TBC1D22A: variants seen among roughly 807,000 people sequenced by gnomAD.
The protein encoded by TBC1D22A is putative GTPase activator.
In TBC1D22A, 38 loss-of-function variants were observed where a neutral mutation model predicts 60.2. That is an observed-to-expected ratio of 0.63 (90% CI 0.49 to 0.83). The LOEUF (loss-of-function observed/expected upper bound fraction) is 0.83. TBC1D22A is among the 40% of genes least tolerant of loss of function. TBC1D22A has a pLI of 0.00. For synonymous variants in TBC1D22A, 302 were observed against 281.7 expected (o/e 1.07, Z -0.72); for missense variants, 628 against 701.0 (o/e 0.90, Z 1.18).
chr22:46,893,614 G>T (rs944504600), intron 6 of TBC1D22A, among the ~76,000 whole-genome samples: 2 of 152,222 alleles, frequency 1.3e-5, no homozygotes, highest in African/African-American at 2.4e-5. Context: ...GTGTCCACAC[G>T]AGTGTAACTG....
intron 3 of TBC1D22A, 149 bp from the exon 4 acceptor site, chr22:46,797,295 G>T: frequency 2.5e-6 from 2 of 796,562 alleles, no homozygotes; most frequent in Non-Finnish European, 4.1e-6. Flanking sequence ...TCAGTTCCAT[G>T]TTATTGCTCA....
chr22:46,836,409 T>A (rs963301008), intron 4 of TBC1D22A, among the ~76,000 whole-genome samples: 1 of 152,148 alleles, frequency 6.6e-6, no homozygotes, highest in Non-Finnish European at 1.5e-5. Flanking sequence ...CTAAAATAGA[T>A]GGTTAGCACT....
At chr22:46,935,730 A>AGAT (rs2071610573) in intron 8 of TBC1D22A, among the ~76,000 whole-genome samples, 1 of 152,102 alleles carries the variant, frequency 6.6e-6, no homozygotes, top group South Asian at 2.1e-4. Flanking sequence ...TCTTCCTCAA[A>AGAT]GATGCCCGTG....
intron 12 of TBC1D22A, among the ~76,000 whole-genome samples, chr22:47,148,775 T>C (rs2067384539): frequency 6.6e-6 from 1 of 151,576 alleles, no homozygotes; most frequent in South Asian, 2.1e-4. Context: ...CTGGGGTCCC[T>C]CTCTCCCCTG....
intron 11 of TBC1D22A, among the ~76,000 whole-genome samples, chr22:47,057,555 A>G (rs1485035129): frequency 2.0e-5 from 3 of 152,176 alleles, no homozygotes; most frequent in Non-Finnish European, 4.4e-5. Flanking sequence ...TTGATACAGA[A>G]AAAGAGGTTT....
chr22:46,908,631 T>C (rs1246326692), intron 7 of TBC1D22A, among the ~76,000 whole-genome samples: 1 of 152,196 alleles, frequency 6.6e-6, no homozygotes, highest in Non-Finnish European at 1.5e-5. Context: ...AAGCGTGCTC[T>C]TTTAAAGTAC....
intron 10 of TBC1D22A, among the ~76,000 whole-genome samples, chr22:47,012,489 G>C (rs923117808): frequency 8.5e-5 from 13 of 152,280 alleles, no homozygotes; most frequent in African/African-American, 2.9e-4. Flanking sequence ...TCATGCCTCT[G>C]TGCCCAGAGT....
intron 12 of TBC1D22A, among the ~76,000 whole-genome samples, chr22:47,125,951 C>T (rs2066438555): frequency 6.6e-6 from 1 of 152,188 alleles, no homozygotes; most frequent in African/African-American, 2.4e-5. Flanking sequence ...CACGTGGGAA[C>T]ACAAAGGAAG....
At chr22:46,925,592 C>G (rs1394172878) in intron 8 of TBC1D22A, among the ~76,000 whole-genome samples, 1 of 152,218 alleles carries the variant, frequency 6.6e-6, no homozygotes, top group Non-Finnish European at 1.5e-5. Flanking sequence ...TAATTTTTTT[C>G]TGGCCTTTTA....
At chr22:46,993,960 C>G (rs541727248) in intron 9 of TBC1D22A, among the ~76,000 whole-genome samples, 6 of 152,332 alleles carry the variant, frequency 3.9e-5, no homozygotes, top group African/African-American at 1.4e-4. Context: ...TGGGGCCGGG[C>G]GTCCCTGCTA....
intron 8 of TBC1D22A, among the ~76,000 whole-genome samples, chr22:46,937,399 A>C (rs2071718797): frequency 6.6e-6 from 1 of 152,134 alleles, no homozygotes; most frequent in African/African-American, 2.4e-5. Flanking sequence ...CATCATGGCC[A>C]TTGTAATGTC....
chr22:46,805,058 A>G (rs1176969835), intron 4 of TBC1D22A, among the ~76,000 whole-genome samples: 1 of 152,158 alleles, frequency 6.6e-6, no homozygotes, highest in African/African-American at 2.4e-5. Flanking sequence ...AACATTTTCT[A>G]CTTGTAACTT....
At chr22:46,885,684 GC>G (rs760216077) in intron 5 of TBC1D22A, among the ~76,000 whole-genome samples, 17 of 152,022 alleles carry the variant, frequency 1.1e-4, no homozygotes, top group African/African-American at 3.6e-4. Flanking sequence ...GGCTGTCACT[GC>G]CCCCCCTTGT....
At chr22:46,954,511 T>A (rs1442606935) in intron 8 of TBC1D22A, among the ~76,000 whole-genome samples, 1 of 152,174 alleles carries the variant, frequency 6.6e-6, no homozygotes, top group Non-Finnish European at 1.5e-5. Flanking sequence ...TTTCAACCCC[T>A]CTCATTGGCC....
intron 12 of TBC1D22A, among the ~76,000 whole-genome samples, chr22:47,114,987 C>T (rs995660381): frequency 3.1e-4 from 47 of 151,464 alleles, no homozygotes; most frequent in Non-Finnish European, 5.3e-4. Context: ...ATCTGTGAGC[C>T]ACCTCCAGGG....
At chr22:47,055,193 C>T (rs2063354565) in intron 11 of TBC1D22A, among the ~76,000 whole-genome samples, 1 of 152,266 alleles carries the variant, frequency 6.6e-6, no homozygotes, top group Non-Finnish European at 1.5e-5. Context: ...GCTTGGGGCT[C>T]TGCCCCTACT....
At chr22:47,090,349 G>A (rs1054859212) in intron 11 of TBC1D22A, among the ~76,000 whole-genome samples, 6 of 148,364 alleles carry the variant, frequency 4.0e-5, no homozygotes, top group Non-Finnish European at 7.5e-5. Flanking sequence ...CAGACGGGGC[G>A]TCTTGGAGGT....
intron 4 of TBC1D22A, among the ~76,000 whole-genome samples, chr22:46,837,545 T>A (rs1380981424): frequency 6.6e-6 from 1 of 152,056 alleles, no homozygotes; most frequent in African/African-American, 2.4e-5. Context: ...ATATCAAGAA[T>A]CTTGATATCA....
In TBC1D22A at chr22:46,793,704, G is replaced by A. The variant is rs373618433; in HGVS notation, c.323G>A (p.Arg108Gln). Residue 108 changes from arginine (R) to glutamine (Q), a missense_variant, in exon 3 of 13, where the codon CGG (arginine) becomes CAG (glutamine). Physicochemically the swap from Arg to Gln is conservative, Grantham distance 43. Coordinates refer to ENST00000337137, the MANE Select transcript of TBC1D22A (RefSeq NM_014346.5). ...ANRVLRNHSQRQGRPTLQEGP... is the reference protein window; with the variant it reads ...ANRVLRNHSQQQGRPTLQEGP... ...CGTGTGCTGCGTAACCACAGCCAGC[G>A]GCAGGGGCGGCCCACGCTGCAGGAG... is the stretch of plus-strand genomic sequence containing the variant. 1.8e-5 allele frequency: 29 copies of A among 1,611,832 alleles called. No individual in the cohort carries two copies. Among genetic ancestry groups the A allele is most frequent in the East Asian group, 8.9e-5 (4 of 44,862 alleles).
Sources: gnomAD v4.1 joint callset for allele counts (sites outside exome capture counted in the v4.1 genomes callset) on GRCh38, gnomAD v4.1.1 for gene constraint, MANE v1.5 for transcripts, NCBI Gene and HGNC (gene_info 2026-07-23, HGNC 2026-07-21) for gene names.